Variants in BABAM2 observed in about 807,000 individuals in gnomAD.
BABAM2 encodes BRISC and BRCA1-A complex member 2.
Under a neutral mutation model 54.7 loss-of-function variants are expected in BABAM2, and 31 were observed. The ratio of observed to expected loss-of-function variants is 0.57; its 90% CI spans 0.43 to 0.77. BABAM2 has a LOEUF of 0.77. Among genes scored for constraint, BABAM2 ranks in the 30% least tolerant of loss-of-function variants. BABAM2 has a pLI of 0.00. For missense variants in BABAM2, 364 were observed against 455.8 expected, an observed-to-expected ratio of 0.80 and a Z score of 1.83; for synonymous variants, 167 against 162.9, an observed-to-expected ratio of 1.03 and a Z score of -0.19.
chr2:28,082,879 G>A (rs897962278), intron 6 of BABAM2, among the ~76,000 whole-genome samples: 2 of 152,048 alleles, frequency 1.3e-5, no homozygotes, highest in Non-Finnish European at 2.9e-5. Context: ...GATATACTGT[G>A]AAAATATTAA....
chr2:28,253,409 A>G (rs549909712), intron 10 of BABAM2, among the ~76,000 whole-genome samples: 1 of 152,050 alleles, frequency 6.6e-6, no homozygotes, highest in South Asian at 2.1e-4. Context: ...CTCAAAAAAA[A>G]AAAAAAAGTA....
intron 4 of BABAM2, among the ~76,000 whole-genome samples, 172 bp downstream of exon 4, chr2:27,988,259 TA>T (rs1299045282): frequency 6.6e-6 from 1 of 152,190 alleles, no homozygotes; most frequent in East Asian, 1.9e-4. Flanking sequence ...AGTAGTTAAA[TA>T]AGAGGTTTTT....
chr2:28,289,586 C>T (rs929100369), intron 10 of BABAM2, among the ~76,000 whole-genome samples: 2 of 152,248 alleles, frequency 1.3e-5, no homozygotes, highest in Non-Finnish European at 2.9e-5. Flanking sequence ...GTCAGAAGTT[C>T]AAGACCAGCC....
chr2:28,031,364 A>G (rs1676279509), intron 5 of BABAM2, among the ~76,000 whole-genome samples: 1 of 152,192 alleles, frequency 6.6e-6, no homozygotes, highest in African/African-American at 2.4e-5. Flanking sequence ...ATGAACCCAT[A>G]CAAAGTATGC....
At chr2:28,015,820 G>T in intron 4 of BABAM2, 2 of 983,768 alleles carry the variant, frequency 2.0e-6, no homozygotes, top group Non-Finnish European at 2.9e-6. Flanking sequence ...TTCTTTTTCT[G>T]TTTTGTTTTT....
At chr2:28,129,219 T>G in intron 6 of BABAM2, 52 bp from the exon 7 acceptor site, 1 of 1,498,592 alleles carries the variant, frequency 6.7e-7, no homozygotes, top group East Asian at 2.3e-5. Context: ...TTGACACTAA[T>G]AAGATGTTAG....
intron 2 of BABAM2, among the ~76,000 whole-genome samples, chr2:27,910,105 C>T (rs1478261410): frequency 6.6e-6 from 1 of 152,158 alleles, no homozygotes; most frequent in South Asian, 2.1e-4. Flanking sequence ...AGAATCTGTC[C>T]TATTGCCAAT....
chr2:27,907,620 A>G (rs1666278339), intron 2 of BABAM2, among the ~76,000 whole-genome samples: 1 of 152,114 alleles, frequency 6.6e-6, no homozygotes, highest in South Asian at 2.1e-4. Flanking sequence ...GGAGACGTAT[A>G]TCTCCAAAAC....
intron 6 of BABAM2, among the ~76,000 whole-genome samples, chr2:28,072,344 T>C (rs1471249109): frequency 1.3e-5 from 2 of 151,680 alleles, no homozygotes; most frequent in Non-Finnish European, 2.9e-5. Flanking sequence ...AGCTAATTTT[T>C]GTATTTTTAG....
intron 7 of BABAM2, among the ~76,000 whole-genome samples, chr2:28,148,711 A>G (rs1181665944): frequency 6.6e-6 from 1 of 152,202 alleles, no homozygotes; most frequent in Non-Finnish European, 1.5e-5. Flanking sequence ...TGTAACAGAC[A>G]TGCAGGGCAA....
rs147072680 is a variant in BABAM2 at position 28,274,370 on chromosome 2, A to G, written c.935-23968A>G. 9.2e-5 allele frequency among the ~76,000 whole-genome samples: 14 copies of G among 152,282 alleles called. No individual in the cohort carries two copies. In the East Asian group the frequency reaches 2.5e-3, roughly 27 times the overall value. ...GAATGGTTCCTTAATTGTCATATGT[A>G]TTTGCTTCATTATTCTGCTTAATTT... On this transcript the variant is annotated intron_variant, in intron 10 of 11. Coordinates refer to ENST00000379624, the MANE Select transcript of BABAM2 (RefSeq NM_199191.3).
intron 10 of BABAM2, among the ~76,000 whole-genome samples, chr2:28,274,248 A>G (rs1573978173): frequency 6.6e-6 from 1 of 151,954 alleles, no homozygotes; most frequent in Non-Finnish European, 1.5e-5. Context: ...TTCTTGCACC[A>G]TTTCTTAAAA....
At chr2:28,184,292 C>CCT (rs1558415682) in intron 7 of BABAM2, among the ~76,000 whole-genome samples, 1 of 139,574 alleles carries the variant, frequency 7.2e-6, no homozygotes, top group African/African-American at 2.6e-5. Context: ...CTCTCCCCCC[C>CCT]TCCCTCTCTC....
intron 10 of BABAM2, among the ~76,000 whole-genome samples, chr2:28,251,307 AAAT>A (rs1683459992): frequency 6.6e-6 from 1 of 152,166 alleles, no homozygotes; most frequent in African/African-American, 2.4e-5. Context: ...GTAGTCATTT[AAAT>A]AATTCTTTCC....
intron 10 of BABAM2, among the ~76,000 whole-genome samples, chr2:28,273,967 T>C (rs1685656175): frequency 2.0e-5 from 3 of 152,230 alleles, no homozygotes; most frequent in African/African-American, 2.4e-5. Flanking sequence ...TCATGTGCTA[T>C]AGAAATGCAA....
At chr2:28,112,135 TTCTTTCTTTCTTTACCTCCCTCCC>T (rs1668105274) in intron 6 of BABAM2, among the ~76,000 whole-genome samples, 2 of 17,198 alleles carry the variant, frequency 1.2e-4, no homozygotes, top group African/African-American at 2.6e-4. Flanking sequence ...CTTTCTTTCT[TTCTTTCTTTCTTTACCTCCCTCCC>T]TCCCTCCCTC....
At chr2:28,156,266 C>G (rs1406082288) in intron 7 of BABAM2, among the ~76,000 whole-genome samples, 1 of 152,182 alleles carries the variant, frequency 6.6e-6, no homozygotes, top group African/African-American at 2.4e-5. Flanking sequence ...CACCCTTCTA[C>G]CAGACAGTTA....
At chr2:27,919,528 C>A (rs1293167260) in intron 2 of BABAM2, among the ~76,000 whole-genome samples, 1 of 152,068 alleles carries the variant, frequency 6.6e-6, no homozygotes, top group African/African-American at 2.4e-5. Context: ...CCTTTTATCC[C>A]AGTTTATAGA....
intron 6 of BABAM2, among the ~76,000 whole-genome samples, chr2:28,083,325 C>T: frequency 6.6e-6 from 1 of 152,176 alleles, no homozygotes; most frequent in East Asian, 1.9e-4. Flanking sequence ...ACCACCTCCT[C>T]AACCCTCCTA....
Sources: allele counts gnomAD v4.1 joint callset (sites outside exome capture counted in the v4.1 genomes callset), GRCh38; gene constraint gnomAD v4.1.1; transcripts MANE v1.5; gene names NCBI Gene and HGNC (gene_info 2026-07-23, HGNC 2026-07-21).